Variants in SORCS2 observed in about 807,000 individuals in gnomAD.
SORCS2 encodes VPS10 domain-containing receptor SorCS2.
A neutral mutation model predicts 141.6 loss-of-function variants in SORCS2; 100 were observed. That is an observed-to-expected ratio of 0.71 (90% CI 0.60 to 0.83). The LOEUF is 0.83. Ranked by LOEUF, SORCS2 falls within the 40% of genes least tolerant of loss-of-function variation. SORCS2 has a pLI of 0.00. For missense variants in SORCS2, 1,646 were observed against 1,560.2 expected, an observed-to-expected ratio of 1.05 and a Z score of -0.93; for synonymous variants, 789 against 676.9, an observed-to-expected ratio of 1.17 and a Z score of -2.57.
At chr4:7,290,771 T>G (rs899058419) in intron 1 of SORCS2, among the ~76,000 whole-genome samples, 3 of 151,364 alleles carry the variant, frequency 2.0e-5, no homozygotes, top group African/African-American at 7.3e-5. Context: ...ATTTGTTGAC[T>G]GTAATGACTG....
chr4:7,481,930 T>C (rs550096680), intron 2 of SORCS2, among the ~76,000 whole-genome samples: 7 of 129,186 alleles, frequency 5.4e-5, no homozygotes, highest in South Asian at 2.8e-4. Context: ...CCCCTGACGT[T>C]GTTCAGACCT....
At chr4:7,314,905 C>G (rs1245386123) in intron 1 of SORCS2, among the ~76,000 whole-genome samples, 1 of 149,576 alleles carries the variant, frequency 6.7e-6, no homozygotes, top group Non-Finnish European at 1.5e-5. Flanking sequence ...AATCTTGACT[C>G]ACTGCAACCT....
chr4:7,588,094 C>A (rs529214306), intron 3 of SORCS2, among the ~76,000 whole-genome samples: 1 of 152,164 alleles, frequency 6.6e-6, no homozygotes, highest in Non-Finnish European at 1.5e-5. Context: ...AGGAGATCAG[C>A]GGTCATTAAA....
Position 7,663,174 on chromosome 4 carries a change from T to TGAGTGAATGAGTGAGTGAGTGAA in SORCS2, c.953-1160_953-1138dup, listed in dbSNP as rs1317700189. Among the ~76,000 whole-genome samples, 79 of 150,020 alleles carry TGAGTGAATGAGTGAGTGAGTGAA rather than the reference T, an allele frequency of 5.3e-4. 2 individuals carry two copies. Among genetic ancestry groups the TGAGTGAATGAGTGAGTGAGTGAA allele is most frequent in the African/African-American group, 1.8e-3 (72 of 40,430 alleles). On this transcript the variant is annotated intron_variant, in intron 6 of 26. Transcript: ENST00000507866. The surrounding 1 kb of genome is among the most constrained non-coding windows in gnomAD (Gnocchi z 4.8). The stretch of plus-strand genomic sequence containing the variant: ...AAAGAGTGAGTGAGTGAATGAGTGA[T>TGAGTGAATGAGTGAGTGAGTGAA]GAGTGAATGAGTGAGTGAGTGAAGA...
chr4:7,333,262 C>T (rs1048559870), intron 1 of SORCS2, among the ~76,000 whole-genome samples: 5 of 152,192 alleles, frequency 3.3e-5, no homozygotes, highest in African/African-American at 1.2e-4. Context: ...TTGGGTGTTG[C>T]TTCCTCTGCC....
chr4:7,618,576 C>T (rs1254140257), intron 3 of SORCS2, among the ~76,000 whole-genome samples: 1 of 152,182 alleles, frequency 6.6e-6, no homozygotes, highest in African/African-American at 2.4e-5. Flanking sequence ...AGCTTCGGGA[C>T]TCCTGTGGTT....
intron 1 of SORCS2, among the ~76,000 whole-genome samples, chr4:7,324,501 G>A (rs534557308): frequency 1.5e-4 from 23 of 152,330 alleles, no homozygotes; most frequent in African/African-American, 4.6e-4. Flanking sequence ...TGGGAACTGC[G>A]CGGGGTTAGT....
intron 1 of SORCS2, among the ~76,000 whole-genome samples, chr4:7,223,148 T>G (rs527740953): frequency 6.6e-6 from 1 of 152,272 alleles, no homozygotes; most frequent in African/African-American, 2.4e-5. Flanking sequence ...TCATACTCGT[T>G]TTAGATCTTG....
intron 3 of SORCS2, among the ~76,000 whole-genome samples, chr4:7,557,183 A>G (rs1714194679): frequency 6.6e-6 from 1 of 152,120 alleles, no homozygotes; most frequent in African/African-American, 2.4e-5. Context: ...GGTTGAATTT[A>G]CCTTTGTTCA....
rs1435533782 is a variant in SORCS2 at position 7,212,169 on chromosome 4, C to T, written c.480+19043C>T. Among the ~76,000 whole-genome samples, 4 of 152,320 alleles carry T rather than the reference C, an allele frequency of 2.6e-5. No homozygotes were observed. The East Asian group carries it at 7.7e-4, about 29-fold the overall frequency. On this transcript the variant is annotated intron_variant, in intron 1 of 26. Transcript: ENST00000507866. Reference sequence around the variant, plus strand: ...TCTGCCTTTGGAAGTTGCCTCCTCTCACCTGGCCCTCTGGGGTTCTCCTCT... The same window carrying T: ...TCTGCCTTTGGAAGTTGCCTCCTCTTACCTGGCCCTCTGGGGTTCTCCTCT...
At chr4:7,298,493 G>C (rs928074315) in intron 1 of SORCS2, among the ~76,000 whole-genome samples, 21 of 152,184 alleles carry the variant, frequency 1.4e-4, no homozygotes, top group African/African-American at 4.8e-4. Context: ...AGCGACCCAG[G>C]CAAGGGTAGA....
At chr4:7,477,251 T>A (rs1486779896) in intron 2 of SORCS2, among the ~76,000 whole-genome samples, 1 of 109,620 alleles carries the variant, frequency 9.1e-6, no homozygotes, top group Admixed American at 9.7e-5. Flanking sequence ...AGAGTCATCC[T>A]TCTGGCTATG....
intron 3 of SORCS2, among the ~76,000 whole-genome samples, chr4:7,602,728 A>G (rs1297475748): frequency 6.6e-6 from 1 of 151,270 alleles, no homozygotes; most frequent in African/African-American, 2.4e-5. Context: ...GCGGCCAGGC[A>G]GAGACGCTCC....
intron 1 of SORCS2, among the ~76,000 whole-genome samples, chr4:7,228,817 G>C (rs1235575551): frequency 1.3e-5 from 2 of 152,206 alleles, no homozygotes; most frequent in Non-Finnish European, 2.9e-5. Context: ...CAGTCCATGC[G>C]ACCAGGGCCA....
chr4:7,525,829 T>TCCTG (rs1327960694), intron 2 of SORCS2, among the ~76,000 whole-genome samples: 22 of 66,068 alleles, frequency 3.3e-4, no homozygotes, highest in Admixed American at 6.6e-4. Flanking sequence ...ACCTGTCCCC[T>TCCTG]CAGTCACCTG....
At position 7,697,194 on chromosome 4, in the gene SORCS2, C is replaced by A. The variant is rs1250705833; in HGVS notation, c.1592-4C>A. The A allele has an allele frequency of 6.3e-7, 1 of 1,575,814 alleles. No homozygotes were observed. Among genetic ancestry groups the A allele is most frequent in the African/African-American group, 1.3e-5 (1 of 74,244 alleles). On this transcript the variant is annotated splice_region_variant and splice_polypyrimidine_tract_variant and intron_variant, in intron 11 of 26. Transcript: ENST00000507866. ...GTAGTACTGCCCCTTTTCTTTTGGA[C>A]CAGGTAACCTGGGCTCACAGCTGGT...
At position 7,513,120 on chromosome 4, in the gene SORCS2, C is replaced by T. The variant is rs547694334; in HGVS notation, c.549-18410C>T. Among the ~76,000 whole-genome samples the T allele has an allele frequency of 4.3e-4, 65 of 152,326 alleles. 3 individuals are homozygous for T. The South Asian group carries it at 9.5e-3, about 22-fold the overall frequency. On this transcript the variant is annotated intron_variant, in intron 2 of 26. Coordinates refer to ENST00000507866, the MANE Select transcript of SORCS2 (RefSeq NM_020777.3). ...AGGTACCCCTGCCTCACACTACTCG[C>T]TGTGGGATTCTGTGCAAGTCCTTTC...
chr4:7,670,432 G>A (rs1722729331), intron 8 of SORCS2, among the ~76,000 whole-genome samples: 2 of 152,148 alleles, frequency 1.3e-5, no homozygotes, highest in African/African-American at 4.8e-5. Context: ...TCACAAGAAT[G>A]GGTAAATGCA....
chr4:7,242,300 A>T (rs1056404811), intron 1 of SORCS2, among the ~76,000 whole-genome samples: 1 of 152,022 alleles, frequency 6.6e-6, no homozygotes, highest in Admixed American at 6.5e-5. Flanking sequence ...GGCTCAAGGG[A>T]TTATCCAACT....
Sources: allele counts gnomAD v4.1 joint callset (sites outside exome capture counted in the v4.1 genomes callset), GRCh38; gene constraint gnomAD v4.1.1; non-coding constraint Gnocchi (gnomAD v3.1); transcripts MANE v1.5; gene names NCBI Gene and HGNC (gene_info 2026-07-23, HGNC 2026-07-21).